Variants in TRIM55 observed in about 807,000 individuals in gnomAD.
TRIM55 encodes tripartite motif-containing protein 55.
A neutral mutation model predicts 60.9 loss-of-function variants in TRIM55; 50 were observed. That is an observed-to-expected ratio of 0.82 (90% confidence interval 0.65 to 1.04). The LOEUF (loss-of-function observed/expected upper bound fraction) is 1.04. TRIM55 is among the 50% of genes least tolerant of loss of function. TRIM55 has a pLI of 0.00. For synonymous variants in TRIM55, 237 were observed against 238.1 expected (o/e 1.00, Z 0.04); for missense variants, 681 against 666.9 (o/e 1.02, Z -0.23).
At chr8:66,119,717 G>A in the TRIM55 span, among the ~76,000 whole-genome samples, 1 of 152,214 alleles carries the variant, frequency 6.6e-6, no homozygotes, top group Admixed American at 6.5e-5. Context: ...TCTTGTTGGA[G>A]AGTCCTTCAT....
intron 9 of TRIM55, among the ~76,000 whole-genome samples, chr8:66,162,102 CA>C (rs145126906): frequency 0.041 from 6,294 of 152,024 alleles, 418 homozygotes; most frequent in African/African-American, 0.14. Flanking sequence ...TTCTTGTTCT[CA>C]GGGGGGATGC....
chr8:66,128,221 G>A lies in TRIM55; in HGVS notation c.169-83G>A, dbSNP rs556539321. 7 of 1,291,050 alleles carry A rather than the reference G, an allele frequency of 5.4e-6. No individual in the cohort carries two copies. The African/African-American group carries it at 8.9e-5, about 16-fold the overall frequency. 80.0% of individuals were successfully genotyped at this position (1,291,050 alleles called of 1,614,324 possible). On this transcript the variant is annotated intron_variant, in intron 1 of 9. Transcript: ENST00000315962. Reference sequence around the variant, plus strand: ...CTTAAAGTAGAAGTTCATGTTGTTTGTAGTAGCAGAGAGTGAAAATAAGTC... The same window carrying A: ...CTTAAAGTAGAAGTTCATGTTGTTTATAGTAGCAGAGAGTGAAAATAAGTC...
chr8:66,166,896 C>G (rs891777073), intron 9 of TRIM55, among the ~76,000 whole-genome samples: 1 of 152,174 alleles, frequency 6.6e-6, no homozygotes, highest in African/African-American at 2.4e-5. Context: ...TCAGCGTGAC[C>G]AGGGGCTGTT....
chr8:66,114,093 C>CCT, the TRIM55 span, among the ~76,000 whole-genome samples: 1 of 136,414 alleles, frequency 7.3e-6, no homozygotes, highest in Non-Finnish European at 1.6e-5. Flanking sequence ...CCCCCCCCCC[C>CCT]ATTATTTTGT....
intron 9 of TRIM55, among the ~76,000 whole-genome samples, chr8:66,167,779 C>G (rs1202537665): frequency 2.0e-5 from 3 of 152,052 alleles, no homozygotes; most frequent in Non-Finnish European, 4.4e-5. Flanking sequence ...GAAAAAGGAT[C>G]TCGCTGACAT....
chr8:66,138,887 A>T (rs1241360445), intron 4 of TRIM55, among the ~76,000 whole-genome samples: 1 of 152,240 alleles, frequency 6.6e-6, no homozygotes, highest in East Asian at 1.9e-4. Flanking sequence ...TTATTTTATC[A>T]TTAGAAAGGC....
At chr8:66,142,447 A>G (rs899943177) in intron 4 of TRIM55, among the ~76,000 whole-genome samples, 2 of 152,232 alleles carry the variant, frequency 1.3e-5, no homozygotes, top group East Asian at 3.8e-4. Context: ...GACTACCCAC[A>G]GCAGACCAGA....
intron 1 of TRIM55, 139 bp downstream of exon 1, chr8:66,127,575 C>A: frequency 1.0e-6 from 1 of 976,650 alleles, no homozygotes; most frequent in East Asian, 2.5e-5. Context: ...GCCTGTAGTC[C>A]CAGCACTTTG....
intron 8 of TRIM55, among the ~76,000 whole-genome samples, chr8:66,153,832 G>A (rs1012448775): frequency 1.3e-5 from 2 of 152,134 alleles, no homozygotes; most frequent in African/African-American, 4.8e-5. Flanking sequence ...CAGAAAAGAA[G>A]AGGGCACCCA....
chr8:66,152,903 T>TTGTGTGTGTGTG (rs59283692), intron 8 of TRIM55, among the ~76,000 whole-genome samples: 62 of 140,296 alleles, frequency 4.4e-4, no homozygotes, highest in African/African-American at 1.4e-3. Flanking sequence ...TGTCTGGAAA[T>TTGTGTGTGTGTG]TGTGTGTGTG....
intron 8 of TRIM55, among the ~76,000 whole-genome samples, chr8:66,153,004 C>T (rs1280707302): frequency 6.6e-6 from 1 of 151,372 alleles, no homozygotes; most frequent in Non-Finnish European, 1.5e-5. Flanking sequence ...ACTGGGTCTG[C>T]TCTTTGTTAC....
At position 66,128,561 on chromosome 8, in the gene TRIM55, G is replaced by T. The variant is rs551289228; in HGVS notation, c.341+85G>T. Reference sequence around the variant, plus strand: ...GTTTTAATGGGTTGCTACGCTGAATGCTTGTTTATCAATCACAGACTGTTT... The same window carrying T: ...GTTTTAATGGGTTGCTACGCTGAATTCTTGTTTATCAATCACAGACTGTTT... On this transcript the variant is annotated intron_variant, in intron 2 of 9. Coordinates refer to ENST00000315962, the MANE Select transcript of TRIM55 (RefSeq NM_184085.2). 7 of 1,410,836 alleles carry T rather than the reference G, an allele frequency of 5.0e-6. No individual in the cohort carries two copies. The African/African-American group carries it at 1.0e-4, about 20-fold the overall frequency. 87.4% of individuals were successfully genotyped at this position (1,410,836 alleles called of 1,614,324 possible). A position where few individuals can be genotyped will look rare whatever the true frequency, so the allele number is the denominator to read the frequency against.
intron 4 of TRIM55, among the ~76,000 whole-genome samples, chr8:66,141,885 T>A (rs991445621): frequency 2.6e-5 from 4 of 152,268 alleles, no homozygotes; most frequent in African/African-American, 9.6e-5. Context: ...TGAGACATTG[T>A]CCATGCCATT....
At chr8:66,147,999 G>A (rs1810198427) in intron 4 of TRIM55, among the ~76,000 whole-genome samples, 1 of 152,094 alleles carries the variant, frequency 6.6e-6, no homozygotes, top group African/African-American at 2.4e-5. Flanking sequence ...GAAAGAATAT[G>A]TAATAAAGGG....
At chr8:66,154,892 T>C (rs1586228012) in intron 9 of TRIM55, among the ~76,000 whole-genome samples, 1 of 152,216 alleles carries the variant, frequency 6.6e-6, no homozygotes, top group Admixed American at 6.5e-5. Flanking sequence ...AAGCATGTAC[T>C]CCTGGGAGTG....
At chr8:66,144,954 A>G (rs1810023941) in intron 4 of TRIM55, among the ~76,000 whole-genome samples, 1 of 152,206 alleles carries the variant, frequency 6.6e-6, no homozygotes, top group Non-Finnish European at 1.5e-5. Flanking sequence ...AGTGTTGCAG[A>G]TTCACATTAA....
At position 66,131,873 on chromosome 8, in the gene TRIM55, T is replaced by G. The variant is rs368386772; in HGVS notation, c.342-3117T>G. Among the ~76,000 whole-genome samples, 42 of 152,364 alleles carry G rather than the reference T, an allele frequency of 2.8e-4. No individual in the cohort carries two copies. The East Asian group carries it at 7.5e-3, about 27-fold the overall frequency. ...TAATTTCCAACATTTGGTTGACATCTCTCATCTGCTGTCATCTGTGCTCAC... is the reference window on the plus strand; with the variant it reads ...TAATTTCCAACATTTGGTTGACATCGCTCATCTGCTGTCATCTGTGCTCAC... On this transcript the variant is annotated intron_variant, in intron 2 of 9. Transcript: ENST00000315962.
intron 3 of TRIM55, among the ~76,000 whole-genome samples, chr8:66,135,867 A>C (rs1809454163): frequency 6.6e-6 from 1 of 152,148 alleles, no homozygotes; most frequent in Non-Finnish European, 1.5e-5. Flanking sequence ...GAATTTATCC[A>C]TCTGGTACAG....
chr8:66,155,702 C>T (rs745656496), intron 9 of TRIM55: 131 of 1,604,108 alleles, frequency 8.2e-5, no homozygotes, highest in Non-Finnish European at 9.8e-5. Context: ...TTGATTTTTA[C>T]TTTAATGGGT....
Sources: gnomAD v4.1 joint callset for allele counts (sites outside exome capture counted in the v4.1 genomes callset) on GRCh38, gnomAD v4.1.1 for gene constraint, MANE v1.5 for transcripts, NCBI Gene and HGNC (gene_info 2026-07-23, HGNC 2026-07-21) for gene names.